The following MDFIC2 variants were observed in gnomAD, a reference collection of about 807,000 sequenced individuals.
MDFIC2 encodes MyoD family inhibitor domain containing 2.
At chr3:70,311,767 TC>T (rs1203004260) in intron 2 of MDFIC2, 118 bp downstream of exon 2, 1 of 387,370 alleles carries the variant, frequency 2.6e-6, no homozygotes, top group African/African-American at 2.1e-5. Flanking sequence ...AGAGTGAAAA[TC>T]AGAAGTACTA....
chr3:70,281,662 T>C (rs924085227), intron 2 of MDFIC2, among the ~76,000 whole-genome samples: 1 of 152,146 alleles, frequency 6.6e-6, no homozygotes, highest in Non-Finnish European at 1.5e-5. Flanking sequence ...TGCACGATGG[T>C]TCTTCTCCCT....
rs1014599330 is a variant in MDFIC2, at chr3:70,246,098, TA to T, written c.89-39309del. The stretch of plus-strand genomic sequence containing the variant: ...AGATATCAAAGTTCACTACACACCA[TA>T]AAAAAAAACCCCACAGATATATGCA... On this transcript the variant is annotated intron_variant, in intron 2 of 3. Transcript: ENST00000567252. Among the ~76,000 whole-genome samples, 6 of 150,422 alleles carry T rather than the reference TA, an allele frequency of 4.0e-5. No individual in the cohort carries two copies. The East Asian group carries it at 5.9e-4, about 15-fold the overall frequency.
chr3:70,297,866 A>G lies in MDFIC2; in HGVS notation c.88+14020T>C, dbSNP rs570608980. ...TACAATTGAATTTAATTCATGATTG[A>G]AAAGTACAGTTGATGCATAATGGCT... On this transcript the variant is annotated intron_variant, in intron 2 of 3. Coordinates refer to ENST00000567252, the MANE Select transcript of MDFIC2 (RefSeq NM_001364677.1). 3.5e-4 allele frequency among the ~76,000 whole-genome samples: 53 copies of G among 152,298 alleles called. No individual in the cohort carries two copies. In the South Asian group the frequency reaches 3.5e-3, roughly 10 times the overall value.
chr3:70,231,282 A>G (rs1205735720), intron 2 of MDFIC2, among the ~76,000 whole-genome samples: 2 of 152,130 alleles, frequency 1.3e-5, no homozygotes, highest in Non-Finnish European at 2.9e-5. Flanking sequence ...ACGTTCGCTT[A>G]AGACGACGCT....
intron 2 of MDFIC2, among the ~76,000 whole-genome samples, chr3:70,275,082 A>T (rs987598551): frequency 1.3e-5 from 2 of 152,208 alleles, no homozygotes; most frequent in African/African-American, 4.8e-5. Context: ...GCTGTTATTT[A>T]TAACCTCCAA....
chr3:70,267,578 A>ATTT (rs377637066), intron 2 of MDFIC2, among the ~76,000 whole-genome samples: 3,481 of 132,718 alleles, frequency 0.026, 114 homozygotes, highest in East Asian at 0.082. Flanking sequence ...AATTTTTTGT[A>ATTT]TTTTTTTTTT....
chr3:70,301,200 T>G (rs1406397447), intron 2 of MDFIC2, among the ~76,000 whole-genome samples: 1 of 152,098 alleles, frequency 6.6e-6, no homozygotes. Flanking sequence ...TTGTTTCAAG[T>G]GACTCTTTAG....
chr3:70,307,634 A>G (rs1415007919), intron 2 of MDFIC2, among the ~76,000 whole-genome samples: 1 of 152,042 alleles, frequency 6.6e-6, no homozygotes, highest in African/African-American at 2.4e-5. Flanking sequence ...TGCTAAATGT[A>G]GCTGTGTGTA....
intron 2 of MDFIC2, among the ~76,000 whole-genome samples, chr3:70,310,774 A>G (rs1488673174): frequency 6.6e-6 from 1 of 152,136 alleles, no homozygotes; most frequent in East Asian, 1.9e-4. Context: ...GTAGGAAAAC[A>G]TTTTTGAGCA....
rs2106687252 is a variant in MDFIC2, at chr3:70,286,183, T to G, written c.88+25703A>C. On this transcript the variant is annotated intron_variant, in intron 2 of 3. Coordinates refer to ENST00000567252, the MANE Select transcript of MDFIC2 (RefSeq NM_001364677.1). ...CCTAGGTTTTCTTCTAGGCTTTTTA[T>G]GGTTTTAGGTCTAAAGTTTAAGTCT... 2.0e-5 allele frequency among the ~76,000 whole-genome samples: 3 copies of G among 152,344 alleles called. No individual in the cohort carries two copies. The Middle Eastern group carries it at 0.01, about 518-fold the overall frequency.
chr3:70,204,292 T>C (rs193081832), intron 3 of MDFIC2, among the ~76,000 whole-genome samples: 1 of 152,184 alleles, frequency 6.6e-6, no homozygotes, highest in Non-Finnish European at 1.5e-5. Context: ...TTTATCTCAG[T>C]ACGAACAATG....
intron 2 of MDFIC2, among the ~76,000 whole-genome samples, chr3:70,256,238 A>G (rs1701814970): frequency 6.6e-6 from 1 of 152,216 alleles, no homozygotes; most frequent in Non-Finnish European, 1.5e-5. Context: ...ATAAAAATGA[A>G]GCCACTTTCT....
At chr3:70,262,363 T>C (rs1667048271) in intron 2 of MDFIC2, among the ~76,000 whole-genome samples, 1 of 152,144 alleles carries the variant, frequency 6.6e-6, no homozygotes, top group African/African-American at 2.4e-5. Flanking sequence ...AACATAAGTT[T>C]TAATGAGAAA....
intron 1 of MDFIC2, 63 bp from the exon 2 acceptor site, chr3:70,312,036 G>T: frequency 2.5e-6 from 1 of 396,286 alleles, no homozygotes; most frequent in Non-Finnish European, 4.4e-6. Flanking sequence ...ATAACATCGA[G>T]TTTTATATTT....
chr3:70,283,045 G>A (rs956200601), intron 2 of MDFIC2, among the ~76,000 whole-genome samples: 36 of 152,150 alleles, frequency 2.4e-4, no homozygotes, highest in African/African-American at 8.4e-4. Context: ...AAGACGTTGA[G>A]GCTAGTGACT....
At chr3:70,265,879 G>GACTC (rs1208048002) in intron 2 of MDFIC2, among the ~76,000 whole-genome samples, 2 of 152,126 alleles carry the variant, frequency 1.3e-5, no homozygotes, top group Non-Finnish European at 2.9e-5. Context: ...GATCTCATGA[G>GACTC]ACTCACTCCC....
chr3:70,283,860 T>C (rs916482646), intron 2 of MDFIC2: 5 of 152,012 alleles, frequency 3.3e-5, no homozygotes, highest in African/African-American at 1.2e-4. Flanking sequence ...GAGTACATAA[T>C]GTATTTTTAA....
chr3:70,261,884 G>A (rs1701869792), intron 2 of MDFIC2, among the ~76,000 whole-genome samples: 1 of 152,094 alleles, frequency 6.6e-6, no homozygotes, highest in South Asian at 2.1e-4. Context: ...TATCCAAGAA[G>A]ATCCGGGGCT....
At chr3:70,308,848 A>G (rs557860214) in intron 2 of MDFIC2, among the ~76,000 whole-genome samples, 1 of 152,216 alleles carries the variant, frequency 6.6e-6, no homozygotes, top group South Asian at 2.1e-4. Context: ...TCACTCTGAA[A>G]TCAAGCAGTG....
Sources: gnomAD v4.1 joint callset for allele counts (sites outside exome capture counted in the v4.1 genomes callset) on GRCh38, gnomAD v4.1.1 for gene constraint, MANE v1.5 for transcripts, NCBI Gene and HGNC (gene_info 2026-07-23, HGNC 2026-07-21) for gene names.